Variants in ADGRB3 observed in about 807,000 individuals in gnomAD.
ADGRB3 encodes the protein brain-specific angiogenesis inhibitor 3.
A neutral mutation model predicts 193.4 loss-of-function variants in ADGRB3; 37 were observed. The observed-to-expected ratio is 0.19, with a 90% CI of 0.15 to 0.25. The LOEUF (loss-of-function observed/expected upper bound fraction) is 0.25. Ranked by LOEUF, ADGRB3 falls within the 10% of genes least tolerant of loss-of-function variation. The pLI, the probability that ADGRB3 is intolerant of heterozygous loss-of-function variation, is 1.00. For synonymous variants in ADGRB3, 690 were observed against 644.2 expected, an observed-to-expected ratio of 1.07 and a Z score of -1.08; for missense variants, 1,637 against 1,852.9, an observed-to-expected ratio of 0.88 and a Z score of 2.14.
intron 16 of ADGRB3, among the ~76,000 whole-genome samples, chr6:69,073,528 C>A (rs753430219): frequency 1.7e-4 from 26 of 152,100 alleles, no homozygotes; most frequent in Non-Finnish European, 4.4e-5. Context: ...CAGGGGCCCT[C>A]GGCAAAGCCA....
intron 14 of ADGRB3, 22 bp downstream of exon 14, chr6:69,048,356 A>G: frequency 6.2e-7 from 1 of 1,600,714 alleles, no homozygotes. Flanking sequence ...AAATAATATG[A>G]GCTTGAACAA....
At chr6:69,314,088 A>C (rs1021636738) in intron 20 of ADGRB3, among the ~76,000 whole-genome samples, 5 of 151,780 alleles carry the variant, frequency 3.3e-5, no homozygotes, top group African/African-American at 1.2e-4. Flanking sequence ...TGGAGATAAC[A>C]GTATATAATG....
chr6:68,643,272 T>G (rs1768123814), intron 3 of ADGRB3, among the ~76,000 whole-genome samples: 1 of 152,114 alleles, frequency 6.6e-6, no homozygotes, highest in Admixed American at 6.5e-5. Flanking sequence ...CTTTAGTTCA[T>G]GCCTGCGTGT....
At chr6:68,948,321 C>T (rs1767826878) in intron 6 of ADGRB3, among the ~76,000 whole-genome samples, 1 of 152,096 alleles carries the variant, frequency 6.6e-6, no homozygotes, top group African/African-American at 2.4e-5. Flanking sequence ...TTAGGTCTAG[C>T]TGTAAGTGTC....
intron 21 of ADGRB3, 112 bp downstream of exon 21, chr6:69,325,134 T>C: frequency 7.4e-7 from 1 of 1,353,478 alleles, no homozygotes; most frequent in South Asian, 1.5e-5. Flanking sequence ...ATTTAATCTA[T>C]GGAAGTGAAA....
At chr6:68,697,346 T>G (rs1268116895) in intron 3 of ADGRB3, among the ~76,000 whole-genome samples, 1 of 151,958 alleles carries the variant, frequency 6.6e-6, no homozygotes, top group Non-Finnish European at 1.5e-5. Context: ...TCATCATTGT[T>G]GATCAATGCT....
intron 8 of ADGRB3, among the ~76,000 whole-genome samples, chr6:68,958,177 C>A (rs1365436860): frequency 1.3e-5 from 2 of 151,324 alleles, no homozygotes; most frequent in South Asian, 4.2e-4. Flanking sequence ...CTGCAGCCTG[C>A]GTGACAGAGC....
chr6:69,327,453 C>T (rs954834326), intron 21 of ADGRB3, among the ~76,000 whole-genome samples: 5 of 152,028 alleles, frequency 3.3e-5, no homozygotes, highest in Non-Finnish European at 7.4e-5. Context: ...TACATCATAC[C>T]AGAACATCCA....
intron 16 of ADGRB3, among the ~76,000 whole-genome samples, chr6:69,075,333 G>A (rs1772197472): frequency 6.6e-6 from 1 of 152,154 alleles, no homozygotes; most frequent in African/African-American, 2.4e-5. Context: ...CTTCAAAACA[G>A]AAGCACATTG....
At chr6:69,180,811 G>A (rs1775560771) in intron 17 of ADGRB3, among the ~76,000 whole-genome samples, 1 of 152,140 alleles carries the variant, frequency 6.6e-6, no homozygotes, top group African/African-American at 2.4e-5. Context: ...TCCATTTCTG[G>A]CCAAAGACTA....
chr6:68,802,883 A>G (rs1038051712), intron 3 of ADGRB3, among the ~76,000 whole-genome samples: 2 of 152,154 alleles, frequency 1.3e-5, no homozygotes, highest in Admixed American at 1.3e-4. Flanking sequence ...TATTAAAGTT[A>G]TTAACAACAT....
chr6:69,129,441 G>C (rs774044619), intron 17 of ADGRB3, among the ~76,000 whole-genome samples: 7 of 151,966 alleles, frequency 4.6e-5, no homozygotes, highest in Non-Finnish European at 1.0e-4. Context: ...GTCAAGTGAA[G>C]AAATTAGTGA....
intron 3 of ADGRB3, among the ~76,000 whole-genome samples, chr6:68,752,947 C>A (rs1449819336): frequency 6.6e-6 from 1 of 152,038 alleles, no homozygotes; most frequent in Non-Finnish European, 1.5e-5. Context: ...TAAGAGATGG[C>A]TGAGGGAAAG....
chr6:68,862,849 A>G (rs983570723), intron 3 of ADGRB3, among the ~76,000 whole-genome samples: 3 of 152,180 alleles, frequency 2.0e-5, no homozygotes, highest in African/African-American at 7.2e-5. Context: ...AGTTTTAATA[A>G]TGGTTTCTTA....
chr6:68,970,502 A>G (rs1768527893), intron 8 of ADGRB3, among the ~76,000 whole-genome samples: 1 of 151,940 alleles, frequency 6.6e-6, no homozygotes, highest in Admixed American at 6.6e-5. Context: ...TTTTTAGTAG[A>G]GATGGGGTTT....
At chr6:69,235,365 A>T (rs1442346971) in intron 19 of ADGRB3, among the ~76,000 whole-genome samples, 2 of 152,068 alleles carry the variant, frequency 1.3e-5, no homozygotes, top group Non-Finnish European at 2.9e-5. Context: ...ATAAACTTTT[A>T]TTCTCATTTC....
At chr6:68,686,683 G>A (rs1764988799) in intron 3 of ADGRB3, among the ~76,000 whole-genome samples, 1 of 152,122 alleles carries the variant, frequency 6.6e-6, no homozygotes. Context: ...TGTTGTTGGT[G>A]CTGTCAATTG....
In ADGRB3 at chr6:69,063,002, C is replaced by G. The variant is rs747907463; in HGVS notation, c.2402C>G (p.Ser801Trp). 1 of 1,612,176 alleles carries G rather than the reference C, an allele frequency of 6.2e-7. No individual in the cohort carries two copies. Among genetic ancestry groups the G allele is most frequent in the Non-Finnish European group, 8.5e-7 (1 of 1,178,748 alleles). ...AGGCCTGAACCCAAAACAACCGATTCGTTTCTGGAGATAGAACTAGCTCAT... is the reference window on the plus strand; with the variant it reads ...AGGCCTGAACCCAAAACAACCGATTGGTTTCTGGAGATAGAACTAGCTCAT... ...TIRPEPKTTD[S>W]FLEIELAHLA... Residue 801 changes from serine to tryptophan, a missense_variant, in exon 16 of 32, where the codon TCG becomes TGG. Transcript: ENST00000370598.
At chr6:68,798,669 A>G (rs1312093315) in intron 3 of ADGRB3, among the ~76,000 whole-genome samples, 1 of 152,212 alleles carries the variant, frequency 6.6e-6, no homozygotes, top group African/African-American at 2.4e-5. Context: ...GTACCCCAGA[A>G]CTTAAAGTAT....
Sources: gnomAD v4.1 joint callset for allele counts (sites outside exome capture counted in the v4.1 genomes callset) on GRCh38, gnomAD v4.1.1 for gene constraint, MANE v1.5 for transcripts, NCBI Gene and HGNC (gene_info 2026-07-23, HGNC 2026-07-21) for gene names.